Variants in GLRA3 observed in about 807,000 individuals in gnomAD.
GLRA3 encodes glycine receptor subunit alpha-3.
Under a neutral mutation model 60.4 loss-of-function variants are expected in GLRA3, and 44 were observed. That is an observed-to-expected ratio of 0.73 (90% CI 0.57 to 0.94). GLRA3 has a LOEUF of 0.94. Among genes scored for constraint, GLRA3 ranks in the 40% least tolerant of loss-of-function variants. The pLI is 0.00. For synonymous variants in GLRA3, 223 were observed against 192.9 expected, an observed-to-expected ratio of 1.16 and a Z score of -1.29; for missense variants, 508 against 564.6, an observed-to-expected ratio of 0.90 and a Z score of 1.02.
At chr4:174,781,859 T>G (rs867737435) in intron 2 of GLRA3, among the ~76,000 whole-genome samples, 10 of 152,098 alleles carry the variant, frequency 6.6e-5, no homozygotes, top group African/African-American at 2.4e-4. Flanking sequence ...GGACCAAAAA[T>G]GGATTCACAG....
At chr4:174,782,572 T>G (rs1170925904) in intron 2 of GLRA3, among the ~76,000 whole-genome samples, 1 of 152,004 alleles carries the variant, frequency 6.6e-6, no homozygotes, top group East Asian at 1.9e-4. Flanking sequence ...GAAAACCCCA[T>G]TGTCTCAGCC....
chr4:174,798,643 G>A (rs553616969), intron 1 of GLRA3, among the ~76,000 whole-genome samples: 6 of 152,284 alleles, frequency 3.9e-5, no homozygotes, highest in Non-Finnish European at 7.3e-5. Flanking sequence ...AGACTTTTAA[G>A]GCTGGGCGCG....
At chr4:174,652,830 T>C (rs1733071472) in intron 9 of GLRA3, among the ~76,000 whole-genome samples, 1 of 152,108 alleles carries the variant, frequency 6.6e-6, no homozygotes, top group Non-Finnish European at 1.5e-5. Flanking sequence ...TTGTATCTTC[T>C]TCTTAGTCCT....
At chr4:174,724,827 T>G (rs568742763) in intron 4 of GLRA3, among the ~76,000 whole-genome samples, 16 of 152,298 alleles carry the variant, frequency 1.1e-4, no homozygotes, top group African/African-American at 3.6e-4. Context: ...TTTCAGCACC[T>G]AAAAAAATAT....
intron 5 of GLRA3, among the ~76,000 whole-genome samples, chr4:174,705,097 C>G (rs1735465995): frequency 6.9e-6 from 1 of 144,200 alleles, no homozygotes; most frequent in African/African-American, 2.5e-5. Context: ...TATTGTTATA[C>G]TTTGAATGTT....
At chr4:174,790,832 A>ATAC (rs1400972975) in intron 1 of GLRA3, among the ~76,000 whole-genome samples, 186 of 146,694 alleles carry the variant, frequency 1.3e-3, no homozygotes, top group African/African-American at 4.5e-3. Flanking sequence ...ATACAAAAAA[A>ATAC]AAAAAAAAAA....
intron 2 of GLRA3, among the ~76,000 whole-genome samples, chr4:174,773,635 C>T (rs373305785): frequency 6.6e-6 from 1 of 152,100 alleles, no homozygotes; most frequent in East Asian, 1.9e-4. Context: ...ACACACATGT[C>T]ACAAGGAGAG....
At chr4:174,700,404 G>A (rs1286118165) in intron 5 of GLRA3, among the ~76,000 whole-genome samples, 2 of 152,038 alleles carry the variant, frequency 1.3e-5, no homozygotes, top group East Asian at 3.9e-4. Context: ...TACGATATCT[G>A]TAATAATAAT....
At chr4:174,665,237 CTTTTTT>C (rs34499494) in intron 7 of GLRA3, among the ~76,000 whole-genome samples, 3 of 127,488 alleles carry the variant, frequency 2.4e-5, no homozygotes, top group Admixed American at 7.9e-5. Context: ...TTTGTATTTA[CTTTTTT>C]TTTTTTTTTT....
chr4:174,654,811 A>G (rs1733140383), intron 9 of GLRA3, among the ~76,000 whole-genome samples: 1 of 152,122 alleles, frequency 6.6e-6, no homozygotes, highest in Admixed American at 6.6e-5. Context: ...ACACACACAC[A>G]GCACTGGAGA....
At position 174,715,483 on chromosome 4, in the gene GLRA3, C is replaced by T; in HGVS notation, c.574+5G>A. 1 of 1,416,380 alleles carries T rather than the reference C, an allele frequency of 7.1e-7. No individual in the cohort carries two copies. Among genetic ancestry groups the T allele is most frequent in the Non-Finnish European group, 9.9e-7 (1 of 1,006,200 alleles). The allele number at this position is 1,416,380 out of a possible 1,614,324, so 87.7% of individuals were successfully genotyped here. On this transcript the variant is annotated splice_donor_5th_base_variant and intron_variant, in intron 5 of 9. Coordinates refer to ENST00000274093, the MANE Select transcript of GLRA3 (RefSeq NM_006529.4). ...TATTTTAAAAAGTAAGTGGTTCATA[C>T]TTACAGCTTTCCAGTTGCATTATAC...
At chr4:174,826,697 T>G (rs1486194488) in intron 1 of GLRA3, among the ~76,000 whole-genome samples, 2 of 152,220 alleles carry the variant, frequency 1.3e-5, no homozygotes, top group African/African-American at 4.8e-5. Context: ...CAAATTGCCC[T>G]GGTAAGCTGT....
intron 3 of GLRA3, among the ~76,000 whole-genome samples, chr4:174,733,604 C>A (rs1232183498): frequency 6.6e-6 from 1 of 152,170 alleles, no homozygotes; most frequent in Non-Finnish European, 1.5e-5. Context: ...AACTAGAAAC[C>A]ATCTCTATAG....
chr4:174,734,201 G>C (rs543946694), intron 3 of GLRA3, among the ~76,000 whole-genome samples: 1 of 152,138 alleles, frequency 6.6e-6, no homozygotes, highest in Non-Finnish European at 1.5e-5. Context: ...CAAGAATGAA[G>C]CTCAGACTTC....
In GLRA3 at chr4:174,637,124, T is replaced by A. The variant is rs145558889; in HGVS notation, c.*6662A>T. 6.6e-6 allele frequency: 1 copy of A among 152,174 alleles called. No homozygotes were observed. The highest frequency in any genetic ancestry group is 1.9e-4 in the East Asian group (1 of 5,170). 9.4% of individuals were successfully genotyped at this position (152,174 alleles called of 1,614,324 possible). ...TTTTCAGTATAATTTCCTGGAAAAA[T>A]ATGACAGCATCTGGACAAGGAAGAC... On this transcript the variant is annotated 3_prime_UTR_variant, in exon 10 of 10. Transcript: ENST00000274093.
chr4:174,822,763 G>A (rs975072234), intron 1 of GLRA3, among the ~76,000 whole-genome samples: 7 of 152,188 alleles, frequency 4.6e-5, no homozygotes, highest in Non-Finnish European at 1.0e-4. Context: ...CGCTTACATC[G>A]GAAATGCTTC....
intron 5 of GLRA3, among the ~76,000 whole-genome samples, chr4:174,684,711 C>T (rs923964527): frequency 5.9e-5 from 9 of 152,060 alleles, no homozygotes; most frequent in Non-Finnish European, 1.2e-4. Flanking sequence ...GTCAAATGGT[C>T]GGTATGTTAA....
chr4:174,794,831 C>T (rs186885013), intron 1 of GLRA3, among the ~76,000 whole-genome samples: 40 of 152,096 alleles, frequency 2.6e-4, no homozygotes, highest in Middle Eastern at 3.4e-3. Flanking sequence ...AAAATATTTG[C>T]TTCCAAGTAT....
chr4:174,739,083 C>T (rs759405325), intron 3 of GLRA3, among the ~76,000 whole-genome samples: 15 of 152,176 alleles, frequency 9.9e-5, no homozygotes, highest in Non-Finnish European at 1.8e-4. Context: ...TTTGTATAAA[C>T]CACAAAGTTT....
Sources: allele counts gnomAD v4.1 joint callset (sites outside exome capture counted in the v4.1 genomes callset), GRCh38; gene constraint gnomAD v4.1.1; transcripts MANE v1.5; gene names NCBI Gene and HGNC (gene_info 2026-07-23, HGNC 2026-07-21).